The following DLGAP1 variants were observed in gnomAD, a reference collection of about 807,000 sequenced individuals.
DLGAP1 encodes the protein disks large-associated protein 1.
A neutral mutation model predicts 90.8 loss-of-function variants in DLGAP1; 11 were observed. The observed-to-expected ratio is 0.12, with a 90% confidence interval of 0.08 to 0.20. DLGAP1 has a LOEUF of 0.20. DLGAP1 is among the 10% of genes least tolerant of loss of function. The pLI is 1.00. For synonymous variants in DLGAP1, 558 were observed against 540.7 expected (o/e 1.03, Z -0.44); for missense variants, 1,050 against 1,333.8 (o/e 0.79, Z 3.31).
At chr18:4,400,263 A>T (rs2082527004) in intron 1 of DLGAP1, among the ~76,000 whole-genome samples, 1 of 152,224 alleles carries the variant, frequency 6.6e-6, no homozygotes, top group Admixed American at 6.5e-5. Context: ...CAAGATGTTA[A>T]CAGGTGGCTG....
intron 1 of DLGAP1, among the ~76,000 whole-genome samples, chr18:4,166,328 T>C (rs757966214): frequency 7.2e-5 from 11 of 152,166 alleles, no homozygotes; most frequent in Non-Finnish European, 1.5e-4. Context: ...GAGTTACTAC[T>C]TCATACCCAT....
intron 1 of DLGAP1, among the ~76,000 whole-genome samples, chr18:4,172,964 G>A (rs2077047844): frequency 6.6e-6 from 1 of 152,122 alleles, no homozygotes; most frequent in Admixed American, 6.5e-5. Context: ...AAACTGTTAC[G>A]TTTCTTGCAA....
intron 1 of DLGAP1, chr18:4,264,844 A>C (rs2079072666): frequency 6.6e-6 from 1 of 152,188 alleles, no homozygotes; most frequent in Non-Finnish European, 1.5e-5. Context: ...AGCAGATGGC[A>C]AGGCTTTCTC....
intron 7 of DLGAP1, chr18:3,721,998 C>G (rs2062000876): frequency 6.6e-6 from 1 of 152,172 alleles, no homozygotes; most frequent in African/African-American, 2.4e-5. Flanking sequence ...TATTATTAAA[C>G]TAAGCCACAT....
At chr18:4,055,773 C>A (rs1486794009) in intron 2 of DLGAP1, among the ~76,000 whole-genome samples, 1 of 152,076 alleles carries the variant, frequency 6.6e-6, no homozygotes, top group African/African-American at 2.4e-5. Context: ...GTGGGCCACC[C>A]CCATGTCCCT....
rs1307901418 is a variant in DLGAP1, at chr18:4,010,157, A to T, written c.-158-4956T>A. 2.6e-5 allele frequency among the ~76,000 whole-genome samples: 4 copies of T among 152,218 alleles called. No homozygotes were observed. In the East Asian group the frequency reaches 7.7e-4, roughly 29 times the overall value. Reference sequence around the variant, plus strand: ...TGAGATAAAAGTTTGTAATCAGATGATTCTTAATCTGATGTTACTTTGATT... The same window carrying T: ...TGAGATAAAAGTTTGTAATCAGATGTTTCTTAATCTGATGTTACTTTGATT... On this transcript the variant is annotated intron_variant, in intron 2 of 12. Transcript: ENST00000315677.
intron 7 of DLGAP1, among the ~76,000 whole-genome samples, chr18:3,693,301 T>C (rs1422531790): frequency 1.3e-5 from 2 of 152,078 alleles, no homozygotes; most frequent in Non-Finnish European, 2.9e-5. Flanking sequence ...TTGCTCAGGC[T>C]GGTCTTGAAC....
At chr18:3,797,755 A>C (rs2066074012) in intron 5 of DLGAP1, among the ~76,000 whole-genome samples, 1 of 152,174 alleles carries the variant, frequency 6.6e-6, no homozygotes, top group South Asian at 2.1e-4. Context: ...ATAATGTACT[A>C]GGGAAAACAA....
chr18:3,812,221 T>A (rs1175221615), intron 5 of DLGAP1, among the ~76,000 whole-genome samples: 2 of 152,200 alleles, frequency 1.3e-5, no homozygotes, highest in African/African-American at 4.8e-5. Context: ...AGAAGAATTT[T>A]TTTTTCAGAA....
chr18:4,282,351 G>C (rs1172575555), intron 1 of DLGAP1, among the ~76,000 whole-genome samples: 1 of 138,628 alleles, frequency 7.2e-6, no homozygotes, highest in Admixed American at 7.1e-5. Flanking sequence ...GCAACAAAGC[G>C]AGACTCTGTC....
At chr18:4,148,391 A>T (rs1234444656) in intron 2 of DLGAP1, among the ~76,000 whole-genome samples, 1 of 152,216 alleles carries the variant, frequency 6.6e-6, no homozygotes, top group African/African-American at 2.4e-5. Context: ...GAATTGGTAA[A>T]TCAGAGAACA....
intron 2 of DLGAP1, among the ~76,000 whole-genome samples, chr18:4,020,785 A>C (rs1421214436): frequency 6.6e-6 from 1 of 152,220 alleles, no homozygotes; most frequent in Non-Finnish European, 1.5e-5. Context: ...ACTAGTTACA[A>C]GATTAGAAAT....
At chr18:3,674,296 A>AAAAAAAAAAAAAATATATATAT (rs755076240) in intron 7 of DLGAP1, among the ~76,000 whole-genome samples, 1 of 128,990 alleles carries the variant, frequency 7.8e-6, no homozygotes, top group African/African-American at 3.2e-5. Flanking sequence ...ATAATATTAA[A>AAAAAAAAAAAAAATATATATAT]ATATATATAT....
At chr18:4,177,121 G>T (rs977007451) in intron 1 of DLGAP1, among the ~76,000 whole-genome samples, 1 of 152,134 alleles carries the variant, frequency 6.6e-6, no homozygotes, top group African/African-American at 2.4e-5. Context: ...GCCAGTGGCA[G>T]ATTGTGCGAG....
intron 3 of DLGAP1, among the ~76,000 whole-genome samples, chr18:3,931,608 C>T (rs182204772): frequency 7.9e-5 from 12 of 152,222 alleles, no homozygotes; most frequent in Admixed American, 2.6e-4. Context: ...AAATGCAGCT[C>T]GTCTGGCCTT....
Position 3,502,500 on chromosome 18 carries a change from T to G in DLGAP1, c.2717A>C (p.Asp906Ala), listed in dbSNP as rs1310385751. The G allele has an allele frequency of 3.1e-6, 5 of 1,614,048 alleles. No individual in the cohort carries two copies. The highest frequency in any genetic ancestry group is 4.2e-6 in the Non-Finnish European group (5 of 1,180,044). Residue 906 changes from aspartate (D) to alanine (A), a missense_variant, in exon 12 of 13, where the codon GAC becomes GCC. Around this residue, in one of 2 missense-constraint regions of DLGAP1, gnomAD observed 565 missense variants for 879.7 expected, o/e 0.64. Coordinates refer to ENST00000315677, the MANE Select transcript of DLGAP1 (RefSeq NM_004746.4). Reference sequence around the variant, plus strand: ...AAATCTACATTGTTCTACCTTCTTGTCAAGAGGATCCATCTGTTTCCAATT... The same window carrying G: ...AAATCTACATTGTTCTACCTTCTTGGCAAGAGGATCCATCTGTTTCCAATT... ...ANNWKQMDPL[D>A]KKERRAPPPV...
chr18:3,787,157 A>AT (rs961293453), intron 5 of DLGAP1, among the ~76,000 whole-genome samples: 3 of 152,080 alleles, frequency 2.0e-5, no homozygotes, highest in Non-Finnish European at 4.4e-5. Context: ...ATGGCTTTAG[A>AT]TTTTTTGGGC....
chr18:4,289,150 C>G (rs1462009554), intron 1 of DLGAP1, among the ~76,000 whole-genome samples: 1 of 152,160 alleles, frequency 6.6e-6, no homozygotes, highest in Non-Finnish European at 1.5e-5. Flanking sequence ...GCTGCTCACT[C>G]TCCTAGGAAC....
At chr18:3,738,597 T>G (rs1403872268) in intron 6 of DLGAP1, among the ~76,000 whole-genome samples, 2 of 152,158 alleles carry the variant, frequency 1.3e-5, no homozygotes, top group East Asian at 1.9e-4. Context: ...ACTGGATCCC[T>G]TCCTTACACC....
Sources: allele counts gnomAD v4.1 joint callset (sites outside exome capture counted in the v4.1 genomes callset), GRCh38; gene constraint gnomAD v4.1.1; regional missense constraint gnomAD v4.1.1; transcripts MANE v1.5; gene names NCBI Gene and HGNC (gene_info 2026-07-23, HGNC 2026-07-21).